CALD1: variants seen among roughly 807,000 people sequenced by gnomAD.
The protein encoded by CALD1 is caldesmon 1, also known as caldesmon.
Under a neutral mutation model 99.9 loss-of-function variants are expected in CALD1, and 33 were observed. The observed-to-expected ratio is 0.33, with a 90% CI of 0.25 to 0.44. The LOEUF (loss-of-function observed/expected upper bound fraction) is 0.44. CALD1 is among the 20% of genes least tolerant of loss of function. CALD1 has a pLI of 1.00. For missense variants in CALD1, 861 were observed against 962.1 expected (o/e 0.89, Z 1.39); for synonymous variants, 310 against 325.0 (o/e 0.95, Z 0.50).
intron 1 of CALD1, among the ~76,000 whole-genome samples, chr7:134,828,630 T>C (rs1036162268): frequency 5.9e-5 from 9 of 152,160 alleles, no homozygotes; most frequent in African/African-American, 2.2e-4. Context: ...AATTTCATTG[T>C]TTGTCAAATG....
intron 3 of CALD1, among the ~76,000 whole-genome samples, chr7:134,887,089 A>G (rs1801890655): frequency 6.6e-6 from 1 of 152,248 alleles, no homozygotes; most frequent in South Asian, 2.1e-4. Context: ...GAGGCAAAGA[A>G]TAATTAAGAA....
chr7:134,964,910 C>T (rs1808555446), intron 13 of CALD1, among the ~76,000 whole-genome samples: 2 of 151,986 alleles, frequency 1.3e-5, no homozygotes, highest in Admixed American at 1.3e-4. Context: ...AGACATGTCA[C>T]GGTCTATATA....
chr7:134,901,171 T>G (rs1176269019), intron 3 of CALD1, among the ~76,000 whole-genome samples: 1 of 151,778 alleles, frequency 6.6e-6, no homozygotes, highest in Non-Finnish European at 1.5e-5. Flanking sequence ...AGTAGGGTTT[T>G]TTTTTTTTTT....
chr7:134,748,054 A>C (rs1796651571), intron 1 of CALD1, among the ~76,000 whole-genome samples: 1 of 152,262 alleles, frequency 6.6e-6, no homozygotes, highest in Non-Finnish European at 1.5e-5. Flanking sequence ...CTGCCATCCC[A>C]GTGGGTCTGC....
At chr7:134,776,093 T>A (rs566053598), upstream of CALD1, among the ~76,000 whole-genome samples, 1 of 152,292 alleles carries the variant, frequency 6.6e-6, no homozygotes, top group African/African-American at 2.4e-5. Context: ...AATAAAGACC[T>A]TTATTTCTCT....
chr7:134,871,053 G>T (rs1801048897), intron 3 of CALD1, among the ~76,000 whole-genome samples: 1 of 152,152 alleles, frequency 6.6e-6, no homozygotes, highest in East Asian at 1.9e-4. Flanking sequence ...GAGACCCTGA[G>T]CAAGTCCCTC....
At chr7:134,761,717 A>C (rs951376637) in intron 1 of CALD1, among the ~76,000 whole-genome samples, 1 of 152,178 alleles carries the variant, frequency 6.6e-6, no homozygotes, top group Non-Finnish European at 1.5e-5. Context: ...CAGGTTCTAA[A>C]CTTGTCTTTG....
At chr7:134,952,473 C>CTTTT (rs747660510) in intron 9 of CALD1, among the ~76,000 whole-genome samples, 1 of 140,940 alleles carries the variant, frequency 7.1e-6, no homozygotes. Flanking sequence ...TTCCCTTAGT[C>CTTTT]TTTTTTTTTT....
At chr7:134,801,092 ATTC>A (rs1797925163) in intron 1 of CALD1, among the ~76,000 whole-genome samples, 1 of 151,938 alleles carries the variant, frequency 6.6e-6, no homozygotes, top group Non-Finnish European at 1.5e-5. Flanking sequence ...TCCCATGTGT[ATTC>A]TTCACGTCTT....
chr7:134,746,423 T>C (rs1274192756), intron 1 of CALD1, among the ~76,000 whole-genome samples: 1 of 152,250 alleles, frequency 6.6e-6, no homozygotes, highest in Non-Finnish European at 1.5e-5. Flanking sequence ...ACCTGGTTTA[T>C]GGTACTTTGT....
rs779105236 is a variant in CALD1 at position 134,933,368 on chromosome 7, G to T, written c.599G>T (p.Arg200Leu). The T allele has an allele frequency of 1.9e-6, 3 of 1,608,722 alleles. No homozygotes were observed. Among genetic ancestry groups the T allele is most frequent in the South Asian group, 1.1e-5 (1 of 90,080 alleles). ...KEEEEEEKPK[R>L]GSIGENQVEV... ...GAGGAGGAAGAGGAGAAGCCAAAGC[G>T]AGGGAGCATTGGAGAAAATCAGGTA... The change falls in exon 5 of 15, where the codon CGA becomes CTA. Residue 200 changes from arginine (R) to leucine (L), a missense_variant. By Grantham distance (102) the Arg-to-Leu change is moderately radical. Around this residue, in one of 5 missense-constraint regions of CALD1, gnomAD observed 234 missense variants for 233.1 expected, o/e 1.00. Transcript: ENST00000361675.
chr7:134,818,439 T>C (rs941153644), intron 1 of CALD1, among the ~76,000 whole-genome samples: 1 of 152,214 alleles, frequency 6.6e-6, no homozygotes, highest in African/African-American at 2.4e-5. Flanking sequence ...ACTTAAAGCA[T>C]AGATGCATTT....
At chr7:134,938,830 A>AT (rs149657034) in intron 6 of CALD1, among the ~76,000 whole-genome samples, 9 of 151,650 alleles carry the variant, frequency 5.9e-5, no homozygotes, top group South Asian at 4.2e-4. Flanking sequence ...AAAAGGGGGG[A>AT]TTTTTTTTCT....
In CALD1 at chr7:134,960,243, A is replaced by T. The variant is rs138223132; in HGVS notation, c.2199+132A>T. On this transcript the variant is annotated intron_variant, in intron 12 of 14. Transcript: ENST00000361675. ...GCAATTTGTACTTTGTTTTGCAATG[A>T]CCACAAAAGCAAGCTCAGAGAGAAT... The T allele has an allele frequency of 1.3e-4, 135 of 1,031,210 alleles. No homozygotes were observed. In the African/African-American group the frequency reaches 2.0e-3, roughly 15 times the overall value. 63.9% of individuals were successfully genotyped at this position (1,031,210 alleles called of 1,614,324 possible). A position where few individuals can be genotyped will look rare whatever the true frequency, so the allele number is the denominator to read the frequency against.
upstream of CALD1, among the ~76,000 whole-genome samples, chr7:134,742,989 C>T (rs1796603699): frequency 6.6e-6 from 1 of 152,162 alleles, no homozygotes. Flanking sequence ...TTTGTAAAGC[C>T]ACAAAAGCCA....
At chr7:134,957,440 G>A (rs1038019055) in intron 9 of CALD1, among the ~76,000 whole-genome samples, 1 of 152,082 alleles carries the variant, frequency 6.6e-6, no homozygotes, top group Non-Finnish European at 1.5e-5. Flanking sequence ...TTTGTTTTGA[G>A]ACAGATGCTC....
At chr7:134,891,321 C>T in intron 3 of CALD1, 1 of 1,089,930 alleles carries the variant, frequency 9.2e-7, no homozygotes. Context: ...GCTCTCTGAT[C>T]GCTAAACATG....
chr7:134,788,583 T>C (rs1797397933), intron 1 of CALD1, among the ~76,000 whole-genome samples: 1 of 152,254 alleles, frequency 6.6e-6, no homozygotes, highest in South Asian at 2.1e-4. Context: ...TTTGCTTGCT[T>C]ATTTATTTCT....
intron 3 of CALD1, among the ~76,000 whole-genome samples, chr7:134,888,622 T>C (rs187122486): frequency 3.7e-4 from 56 of 152,320 alleles, no homozygotes; most frequent in Non-Finnish European, 7.4e-4. Flanking sequence ...CTGTCTTTCA[T>C]TGGCCTTTGT....
Sources: gnomAD v4.1 joint callset for allele counts (sites outside exome capture counted in the v4.1 genomes callset) on GRCh38, gnomAD v4.1.1 for gene constraint, gnomAD v4.1.1 regional missense constraint, MANE v1.5 for transcripts, NCBI Gene and HGNC (gene_info 2026-07-23, HGNC 2026-07-21) for gene names.